GPRIN3: variants seen among roughly 807,000 people sequenced by gnomAD.
The protein encoded by GPRIN3 is GPRIN family member 3.
A neutral mutation model predicts 13.7 loss-of-function variants in GPRIN3; 12 were observed. The ratio of observed to expected loss-of-function variants is 0.87; its 90% CI spans 0.56 to 1.42. The LOEUF (loss-of-function observed/expected upper bound fraction) is 1.42. GPRIN3 is among the 40% of genes most tolerant of loss of function. The pLI is 0.00. For missense variants in GPRIN3, 1,009 were observed against 958.7 expected (o/e 1.05, Z -0.69); for synonymous variants, 377 against 372.7 (o/e 1.01, Z -0.13).
At chr4:89,306,917 T>C (rs1725048712) in intron 1 of GPRIN3, among the ~76,000 whole-genome samples, 1 of 152,130 alleles carries the variant, frequency 6.6e-6, no homozygotes, top group Admixed American at 6.5e-5. Flanking sequence ...GATGCCTACA[T>C]CGTTTCCATC....
At chr4:89,281,508 T>C (rs1724250113) in intron 1 of GPRIN3, among the ~76,000 whole-genome samples, 1 of 152,180 alleles carries the variant, frequency 6.6e-6, no homozygotes, top group Non-Finnish European at 1.5e-5. Context: ...TACTAAACCA[T>C]GCATGAGAAA....
chr4:89,248,837 A>G lies in GPRIN3; in HGVS notation c.1274T>C (p.Leu425Ser). 5.0e-6 allele frequency: 8 copies of G among 1,614,146 alleles called. No individual in the cohort carries two copies. The highest frequency in any genetic ancestry group is 5.9e-6 in the Non-Finnish European group (7 of 1,180,006). The stretch of plus-strand genomic sequence containing the variant: ...CGTATGCTGGGCATTACTGGAGACC[A>G]AATTGATTGATGAGGTTTTAAGGAC... ...GGVLKTSSIN[L>S]VSSNAQHTCK... The change falls in exon 2 of 2, where the codon TTG (leucine) becomes TCG (serine). Residue 425 changes from leucine to serine, a missense_variant. Coordinates refer to ENST00000609438, the MANE Select transcript of GPRIN3 (RefSeq NM_198281.3).
At chr4:89,304,929 A>G (rs893988383) in intron 1 of GPRIN3, among the ~76,000 whole-genome samples, 1 of 152,244 alleles carries the variant, frequency 6.6e-6, no homozygotes, top group African/African-American at 2.4e-5. Context: ...AAAATAATTA[A>G]GACTTTTCCC....
chr4:89,256,856 T>C (rs1169885872), intron 1 of GPRIN3, among the ~76,000 whole-genome samples: 1 of 152,182 alleles, frequency 6.6e-6, no homozygotes. Flanking sequence ...AAAAACATCA[T>C]CTGGCATCCT....
chr4:89,254,971 A>C (rs1022251875), intron 1 of GPRIN3, among the ~76,000 whole-genome samples: 1 of 152,216 alleles, frequency 6.6e-6, no homozygotes, highest in Admixed American at 6.5e-5. Context: ...GCTGAGAAGA[A>C]CTGTCCCCCT....
intron 1 of GPRIN3, among the ~76,000 whole-genome samples, chr4:89,261,661 G>A (rs952294239): frequency 6.6e-6 from 1 of 152,286 alleles, no homozygotes; most frequent in East Asian, 1.9e-4. Flanking sequence ...AAATAAATGT[G>A]CTAATTGATA....
rs755857974 is a variant in GPRIN3 at position 89,249,253 on chromosome 4, C to T, written c.858G>A (p.Leu286=). 1.2e-6 allele frequency: 2 copies of T among 1,614,096 alleles called. No individual in the cohort carries two copies. The highest frequency in any genetic ancestry group is 1.3e-5 in the African/African-American group (1 of 75,042). Residue 286 remains leucine, a synonymous_variant, in exon 2 of 2, where the codon CTG becomes CTA. Coordinates refer to ENST00000609438, the MANE Select transcript of GPRIN3 (RefSeq NM_198281.3). ...ACPPGPEKVP[L]PAQRQMSRFK... ...ACCTTGACATCTGACGCTGTGCTGG[C>T]AGCGGCACCTTCTCTGGACCTGGGG...
chr4:89,250,282 T>C (rs548541075), intron 1 of GPRIN3, 49 bp from the exon 2 acceptor site: 14 of 1,295,648 alleles, frequency 1.1e-5, no homozygotes, highest in African/African-American at 3.0e-5. Flanking sequence ...CGCTTAAGGA[T>C]TGAAAAATAA....
chr4:89,295,420 G>A (rs1387368086), intron 1 of GPRIN3, among the ~76,000 whole-genome samples: 2 of 152,138 alleles, frequency 1.3e-5, no homozygotes, highest in African/African-American at 2.4e-5. Flanking sequence ...TTACACAGAA[G>A]TCAGAGGTCT....
intron 1 of GPRIN3, among the ~76,000 whole-genome samples, chr4:89,264,982 C>T (rs1723744637): frequency 6.6e-6 from 1 of 152,178 alleles, no homozygotes; most frequent in South Asian, 2.1e-4. Context: ...CCATAATAAG[C>T]TCTCAGCAAA....
rs567308359 is a variant in GPRIN3 at position 89,240,219 on chromosome 4, G to A, written c.*7561C>T. On this transcript the variant is annotated 3_prime_UTR_variant, in exon 2 of 2. Transcript: ENST00000609438. ...TGTTAGAATCCACACAGTATTACCT[G>A]TTATTGATAATACTAATTTTTTGTT... 1 of 152,118 alleles carries A rather than the reference G, an allele frequency of 6.6e-6. No homozygotes were observed. Among genetic ancestry groups the A allele is most frequent in the Non-Finnish European group, 1.5e-5 (1 of 68,024 alleles). The allele number at this position is 152,118 out of a possible 1,614,324, so 9.4% of individuals were successfully genotyped here.
chr4:89,269,438 C>A (rs1723869011), intron 1 of GPRIN3, among the ~76,000 whole-genome samples: 1 of 152,136 alleles, frequency 6.6e-6, no homozygotes, highest in Non-Finnish European at 1.5e-5. Flanking sequence ...GCCCCCTCTA[C>A]AAGCCCCATC....
At chr4:89,271,619 A>T (rs1246511615) in intron 1 of GPRIN3, among the ~76,000 whole-genome samples, 1 of 151,878 alleles carries the variant, frequency 6.6e-6, no homozygotes, top group East Asian at 1.9e-4. Context: ...TTTCTTGAGG[A>T]ATATTTTTGA....
Position 89,237,003 on chromosome 4 carries a change from T to C in GPRIN3, c.*10777A>G. 1 of 152,186 alleles carries C rather than the reference T, an allele frequency of 6.6e-6. No homozygotes were observed. Among genetic ancestry groups the C allele is most frequent in the Middle Eastern group, 3.2e-3 (1 of 316 alleles). The allele number at this position is 152,186 out of a possible 1,614,324, so 9.4% of individuals were successfully genotyped here. On this transcript the variant is annotated 3_prime_UTR_variant, in exon 2 of 2. Transcript: ENST00000609438. ...GCTTTTAAACACCTATAATAATCTT[T>C]GGCAATGACATTCTGCTTATTATTA... is the stretch of plus-strand genomic sequence containing the variant.
chr4:89,294,158 A>G (rs1724668042), intron 1 of GPRIN3, among the ~76,000 whole-genome samples: 1 of 152,254 alleles, frequency 6.6e-6, no homozygotes. Context: ...ATAATGAGTT[A>G]AAGACTACTT....
intron 1 of GPRIN3, among the ~76,000 whole-genome samples, chr4:89,286,291 T>G (rs1338016998): frequency 6.6e-6 from 1 of 152,180 alleles, no homozygotes; most frequent in Non-Finnish European, 1.5e-5. Context: ...CTGATGGTCT[T>G]ATTAAAGTTG....
rs796560633 is a variant in GPRIN3 at position 89,286,165 on chromosome 4, T to C, written c.-124+21450A>G. ...TAATAAAAATTAAGAAAAATAATGC[T>C]TGAGGAGTTGTGATATTCTCTGACT... On this transcript the variant is annotated intron_variant, in intron 1 of 1. Transcript: ENST00000609438. 1.4e-4 allele frequency among the ~76,000 whole-genome samples: 21 copies of C among 151,992 alleles called. 1 individual carries two copies. The highest frequency in any genetic ancestry group is 5.1e-4 in the African/African-American group (21 of 41,456).
chr4:89,270,602 A>ATATAT (rs1561205844), intron 1 of GPRIN3, among the ~76,000 whole-genome samples: 38 of 55,576 alleles, frequency 6.8e-4, no homozygotes, highest in African/African-American at 3.2e-3. Flanking sequence ...TATATATATA[A>ATATAT]AATATAGATA....
chr4:89,253,155 G>T (rs7440107), intron 1 of GPRIN3, among the ~76,000 whole-genome samples: 1 of 152,066 alleles, frequency 6.6e-6, no homozygotes, highest in African/African-American at 2.4e-5. Flanking sequence ...GCCCCGGAAG[G>T]AAAAGAAAGA....
Sources: gnomAD v4.1 joint callset for allele counts (sites outside exome capture counted in the v4.1 genomes callset) on GRCh38, gnomAD v4.1.1 for gene constraint, MANE v1.5 for transcripts, NCBI Gene and HGNC (gene_info 2026-07-23, HGNC 2026-07-21) for gene names.